Variants in E2F6 observed in about 807,000 individuals in gnomAD.
E2F6 encodes the protein transcription factor E2F6.
E2F6 carries 19 observed loss-of-function variants against 31.5 expected under a neutral mutation model. The ratio of observed to expected loss-of-function variants is 0.60; its 90% CI spans 0.42 to 0.89. The LOEUF (loss-of-function observed/expected upper bound fraction) is 0.89. E2F6 is among the 40% of genes least tolerant of loss of function. E2F6 has a pLI of 0.00. For missense variants in E2F6, 269 were observed against 341.6 expected, an observed-to-expected ratio of 0.79 and a Z score of 1.67; for synonymous variants, 121 against 127.7, an observed-to-expected ratio of 0.95 and a Z score of 0.36.
chr2:11,446,362 C>G lies in E2F6; in HGVS notation c.*115G>C, dbSNP rs1361103727. ...GACACTACTGGCCATGATGCCGCTA[C>G]TGAGAACGAGAGCACTTCATGGATA... On this transcript the variant is annotated 3_prime_UTR_variant, in exon 7 of 7. Transcript: ENST00000381525. 11 of 738,542 alleles carry G rather than the reference C, an allele frequency of 1.5e-5. No homozygotes were observed. The highest frequency in any genetic ancestry group is 2.6e-5 in the Non-Finnish European group (11 of 430,762). The allele number at this position is 738,542 out of a possible 1,614,324, so 45.7% of individuals were successfully genotyped here. A position where few individuals can be genotyped will look rare whatever the true frequency, so the allele number is the denominator to read the frequency against.
In E2F6 at chr2:11,447,730, A is replaced by G; in HGVS notation, c.696T>C (p.Asp232=). 6.2e-7 allele frequency: 1 copy of G among 1,612,284 alleles called. No homozygotes were observed. Among genetic ancestry groups the G allele is most frequent in the Non-Finnish European group, 8.5e-7 (1 of 1,180,026 alleles). Residue 232 remains aspartate, a synonymous_variant, in exon 6 of 7, where the codon GAT becomes GAC. Coordinates refer to ENST00000381525, the MANE Select transcript of E2F6 (RefSeq NM_198256.4). ...VHIRSTNGPI[D]VYLCEVEQGQ... Reference sequence around the variant, plus strand: ...CCTGCTCCACTTCACACAAATAGACATCGATAGGTCCGTTGGTGCTCCTTA... The same window carrying G: ...CCTGCTCCACTTCACACAAATAGACGTCGATAGGTCCGTTGGTGCTCCTTA...
intron 1 of E2F6, among the ~76,000 whole-genome samples, chr2:11,461,480 T>A (rs1671777780): frequency 6.6e-6 from 1 of 151,906 alleles, no homozygotes; most frequent in Non-Finnish European, 1.5e-5. Flanking sequence ...GCCTCCCGAG[T>A]AGCTGGGATT....
chr2:11,446,532 G>A lies in E2F6; in HGVS notation c.800-9C>T, dbSNP rs1334175500. The A allele has an allele frequency of 6.2e-7, 1 of 1,612,608 alleles. No homozygotes were observed. The highest frequency in any genetic ancestry group is 8.5e-7 in the Non-Finnish European group (1 of 1,179,074). ...TTGCTGAGGATTTTCTTCTGGAAAA[G>A]AACACGAGAGAGAAATACACCTAAG... On this transcript the variant is annotated splice_polypyrimidine_tract_variant and intron_variant, in intron 6 of 6. Coordinates refer to ENST00000381525, the MANE Select transcript of E2F6 (RefSeq NM_198256.4).
At chr2:11,458,823 T>G (rs542398427) in intron 1 of E2F6, among the ~76,000 whole-genome samples, 7 of 152,270 alleles carry the variant, frequency 4.6e-5, no homozygotes, top group African/African-American at 1.7e-4. Flanking sequence ...AAAATTAATT[T>G]AGTTGTTAGA....
chr2:11,457,027 G>A (rs1199404605), intron 2 of E2F6, 152 bp downstream of exon 2: 4 of 627,054 alleles, frequency 6.4e-6, no homozygotes, highest in African/African-American at 1.9e-5. Flanking sequence ...ATAACCTCAG[G>A]AGTTGTTACT....
chr2:11,463,225 C>T (rs1476632480), intron 1 of E2F6, among the ~76,000 whole-genome samples: 2 of 152,122 alleles, frequency 1.3e-5, no homozygotes, highest in African/African-American at 2.4e-5. Flanking sequence ...TTTCTTTACC[C>T]GCTGCCACCC....
At chr2:11,454,640 C>A (rs1436652568) in intron 2 of E2F6, among the ~76,000 whole-genome samples, 4 of 152,092 alleles carry the variant, frequency 2.6e-5, no homozygotes, top group Admixed American at 2.0e-4. Context: ...TTAAGAGCCA[C>A]CGCGGCTGGC....
chr2:11,447,906 A>C, intron 5 of E2F6, 132 bp from the exon 6 acceptor site: 2 of 1,012,626 alleles, frequency 2.0e-6, no homozygotes, highest in Non-Finnish European at 2.8e-6. Context: ...GCACTGGCCA[A>C]TTCCCATGCT....
chr2:11,463,958 G>GGGGGGGGGAAAAAAAAAAAAAGAAAAA (rs56958029), intron 1 of E2F6, among the ~76,000 whole-genome samples: 1 of 106,360 alleles, frequency 9.4e-6, no homozygotes, highest in Non-Finnish European at 2.0e-5. Context: ...CGGGGGGGGG[G>GGGGGGGGGAAAAAAAAAAAAAGAAAAA]ACAAAAACAA....
chr2:11,459,878 C>T (rs74654262), intron 1 of E2F6, among the ~76,000 whole-genome samples: 2,913 of 134,160 alleles, frequency 0.022, 93 homozygotes, highest in African/African-American at 0.068. Context: ...TGCGAGACTC[C>T]GTCTCAAAAA....
Position 11,446,389 on chromosome 2 carries a change from T to G in E2F6, c.*88A>C. ...GAGAACGAGAGCACTTCATGGATAA[T>G]TTATTGCTCTGAGAATCAAATTTGA... On this transcript the variant is annotated 3_prime_UTR_variant, in exon 7 of 7. Coordinates refer to ENST00000381525, the MANE Select transcript of E2F6 (RefSeq NM_198256.4). The G allele has an allele frequency of 9.8e-7, 1 of 1,024,702 alleles. No individual in the cohort carries two copies. Among genetic ancestry groups the G allele is most frequent in the Non-Finnish European group, 1.5e-6 (1 of 659,792 alleles). The allele number at this position is 1,024,702 out of a possible 1,614,324, so 63.5% of individuals were successfully genotyped here. A position where few individuals can be genotyped will look rare whatever the true frequency, so the allele number is the denominator to read the frequency against.
chr2:11,453,591 A>G lies in E2F6; in HGVS notation c.371T>C (p.Ile124Thr). 6.2e-7 allele frequency: 1 copy of G among 1,614,030 alleles called. No individual in the cohort carries two copies. Among genetic ancestry groups the G allele is most frequent in the Non-Finnish European group, 8.5e-7 (1 of 1,179,976 alleles). Residue 124 changes from isoleucine (I) to threonine (T), a missense_variant, in exon 3 of 7, where the codon ATT becomes ACT. By Grantham distance (89) the Ile-to-Thr change is moderately conservative (BLOSUM62 -1). Coordinates refer to ENST00000381525, the MANE Select transcript of E2F6 (RefSeq NM_198256.4). Reference protein sequence around the residue: ...DLVEKKSKNHIRWIGSDLSNF... With the variant: ...DLVEKKSKNHTRWIGSDLSNF... The stretch of plus-strand genomic sequence containing the variant: ...TTTGAAAGCAACTCACATCCATCTA[A>G]TATGGTTCTTGGATTTCTTTTCAAC...
In E2F6 at chr2:11,447,771, A is replaced by G. The variant is rs1176967905; in HGVS notation, c.655T>C (p.Ser219Pro). Residue 219 changes from serine (S) to proline (P), a missense_variant, in exon 6 of 7, where the codon TCT (serine) becomes CCT (proline). Coordinates refer to ENST00000381525, the MANE Select transcript of E2F6 (RefSeq NM_198256.4). ...RLDVPAPRED[S>P]ITVHIRSTNG... ...GTGCTCCTTATGTGCACTGTGATAG[A>G]GTCCTAGCAAAGGACACAGGAATCG... The G allele has an allele frequency of 6.2e-7, 1 of 1,609,300 alleles. No homozygotes were observed. Among genetic ancestry groups the G allele is most frequent in the Admixed American group, 1.7e-5 (1 of 59,204 alleles).
intron 1 of E2F6, among the ~76,000 whole-genome samples, chr2:11,465,171 T>A (rs1444914324): frequency 4.5e-5 from 1 of 22,468 alleles, no homozygotes; most frequent in Non-Finnish European, 8.1e-5. Context: ...AAAGTAAAAC[T>A]CAATCTCAAA....
chr2:11,458,289 T>A, intron 1 of E2F6: 2 of 1,551,762 alleles, frequency 1.3e-6, no homozygotes, highest in African/African-American at 2.7e-5. Flanking sequence ...ACAGAAGGAT[T>A]CATGGCGAAG....
chr2:11,458,716 G>A (rs199575144), intron 1 of E2F6, among the ~76,000 whole-genome samples: 32 of 152,228 alleles, frequency 2.1e-4, no homozygotes, highest in South Asian at 2.1e-4. Flanking sequence ...CAATATCCTC[G>A]GCACAATGAT....
chr2:11,449,829 A>T (rs1319010110), intron 5 of E2F6, among the ~76,000 whole-genome samples, 183 bp downstream of exon 5: 1 of 152,242 alleles, frequency 6.6e-6, no homozygotes, highest in Non-Finnish European at 1.5e-5. Flanking sequence ...CATCTTTAAG[A>T]TAATAATGAC....
Position 11,451,344 on chromosome 2 carries a change from CTAACTT to C in E2F6, c.536+301_536+306del, listed in dbSNP as rs1558453336. ...AGGTTATACTACTACCAACTTTTAC[CTAACTT>C]TTTTTTTTTTTTTTTTTGAGACGGA... is the stretch of plus-strand genomic sequence containing the variant. On this transcript the variant is annotated intron_variant, in intron 4 of 6. Transcript: ENST00000381525. 3.2e-4 allele frequency: 36 copies of C among 113,734 alleles called. 5 individuals are homozygous for C. The highest frequency in any genetic ancestry group is 5.0e-4 in the Non-Finnish European group (26 of 52,052). The allele number at this position is 113,734 out of a possible 1,614,324, so 7.0% of individuals were successfully genotyped here. A position where few individuals can be genotyped will look rare whatever the true frequency, so the allele number is the denominator to read the frequency against.
At chr2:11,453,866 T>C in intron 2 of E2F6, 68 bp from the exon 3 acceptor site, 2 of 1,365,436 alleles carry the variant, frequency 1.5e-6, no homozygotes, top group Non-Finnish European at 2.0e-6. Context: ...TTAAAAATCA[T>C]CTGTTTCCTC....
Sources: allele counts gnomAD v4.1 joint callset (sites outside exome capture counted in the v4.1 genomes callset), GRCh38; gene constraint gnomAD v4.1.1; transcripts MANE v1.5; gene names NCBI Gene and HGNC (gene_info 2026-07-23, HGNC 2026-07-21).